The following ENTREP2 variants were observed in gnomAD, a reference collection of about 807,000 sequenced individuals.
The protein encoded by ENTREP2 is endosomal transmembrane epsin interactor 2.
At chr15:29,592,599 TG>T in the ENTREP2 span, among the ~76,000 whole-genome samples, 23 of 152,186 alleles carry the variant, frequency 1.5e-4, no homozygotes, top group Non-Finnish European at 1.9e-4. Context: ...ACTGTTGCAC[TG>T]GGGATTCTGT....
chr15:29,556,762 G>GC, the ENTREP2 span, among the ~76,000 whole-genome samples: 1,560 of 38,756 alleles, frequency 0.04, 11 homozygotes, highest in Admixed American at 0.052. Flanking sequence ...CCATGCAGGT[G>GC]CCCCCCCCCC....
chr15:29,516,813 G>C, the ENTREP2 span, among the ~76,000 whole-genome samples: 1 of 152,054 alleles, frequency 6.6e-6, no homozygotes, highest in Non-Finnish European at 1.5e-5. Flanking sequence ...TCTCCAGGCA[G>C]GAAGAGTTTA....
At chr15:29,652,722 A>T in the ENTREP2 span, among the ~76,000 whole-genome samples, 1 of 152,266 alleles carries the variant, frequency 6.6e-6, no homozygotes, top group Admixed American at 6.5e-5. Flanking sequence ...CTGTGCTGGT[A>T]CCTGGAAACT....
the ENTREP2 span, among the ~76,000 whole-genome samples, chr15:29,475,305 T>C: frequency 6.0e-3 from 909 of 152,218 alleles, 10 homozygotes; most frequent in African/African-American, 0.019. Flanking sequence ...TCATCACTAC[T>C]GCTGGCCTGA....
chr15:29,384,820 G>A, the ENTREP2 span, among the ~76,000 whole-genome samples: 2 of 151,974 alleles, frequency 1.3e-5, no homozygotes, highest in Admixed American at 6.6e-5. Context: ...GCCACATTCC[G>A]GGGCTCTGGC....
At chr15:29,631,092 T>C in the ENTREP2 span, among the ~76,000 whole-genome samples, 1 of 152,248 alleles carries the variant, frequency 6.6e-6, no homozygotes, top group South Asian at 2.1e-4. Flanking sequence ...CCTGTATTTT[T>C]AGTTCTATGA....
At chr15:29,390,832 G>A in the ENTREP2 span, among the ~76,000 whole-genome samples, 5 of 152,184 alleles carry the variant, frequency 3.3e-5, no homozygotes, top group African/African-American at 9.7e-5. Flanking sequence ...CTTCTAGAAC[G>A]CAGTCTTGAA....
chr15:29,139,586 A>G, the ENTREP2 span, among the ~76,000 whole-genome samples: 2 of 152,366 alleles, frequency 1.3e-5, no homozygotes, highest in Admixed American at 1.3e-4. Context: ...TCCACCAGGA[A>G]GGAGAACAAG....
the ENTREP2 span, among the ~76,000 whole-genome samples, chr15:29,353,433 TTAGGTAGG>T: frequency 6.6e-6 from 1 of 152,124 alleles, no homozygotes; most frequent in Non-Finnish European, 1.5e-5. Context: ...ATGTATGCAC[TTAGGTAGG>T]TAGGTAGGTA....
chr15:29,389,571 G>GT, the ENTREP2 span, among the ~76,000 whole-genome samples: 1 of 152,214 alleles, frequency 6.6e-6, no homozygotes, highest in Non-Finnish European at 1.5e-5. Context: ...AGTTCTGCCA[G>GT]TAACAGGAAT....
chr15:29,638,906 A>G, the ENTREP2 span, among the ~76,000 whole-genome samples: 5 of 152,204 alleles, frequency 3.3e-5, no homozygotes, highest in African/African-American at 1.2e-4. Context: ...CCTCAGCTCA[A>G]AGGGCTGAGC....
chr15:29,516,092 A>AT, the ENTREP2 span, among the ~76,000 whole-genome samples: 20 of 151,376 alleles, frequency 1.3e-4, no homozygotes, highest in East Asian at 3.9e-4. Context: ...TCCTGGAGAG[A>AT]TTTTTTTTTA....
chr15:29,206,551 C>T, the ENTREP2 span, among the ~76,000 whole-genome samples: 1 of 152,154 alleles, frequency 6.6e-6, no homozygotes, highest in African/African-American at 2.4e-5. Context: ...TACCACAGAT[C>T]ACACCCCGCA....
chr15:29,576,151 T>C, the ENTREP2 span, among the ~76,000 whole-genome samples: 1 of 152,210 alleles, frequency 6.6e-6, no homozygotes, highest in South Asian at 2.1e-4. Context: ...CATTGGAATA[T>C]AATTGAGGGT....
chr15:29,285,296 C>G, the ENTREP2 span, among the ~76,000 whole-genome samples: 1 of 152,172 alleles, frequency 6.6e-6, no homozygotes, highest in African/African-American at 2.4e-5. Flanking sequence ...CTCTCCATGT[C>G]AGTACCAGCC....
the ENTREP2 span, among the ~76,000 whole-genome samples, chr15:29,368,991 T>C: frequency 2.6e-5 from 4 of 152,128 alleles, no homozygotes; most frequent in African/African-American, 7.2e-5. Flanking sequence ...GAAAGAGTCA[T>C]CAGTTAACCT....
the ENTREP2 span, among the ~76,000 whole-genome samples, chr15:29,303,720 C>T: frequency 6.0e-5 from 9 of 150,732 alleles, no homozygotes; most frequent in South Asian, 1.1e-3. Flanking sequence ...TGTTTAGCTC[C>T]CATTTATAAG....
the ENTREP2 span, among the ~76,000 whole-genome samples, chr15:29,250,365 T>C: frequency 6.6e-6 from 1 of 152,184 alleles, no homozygotes; most frequent in South Asian, 2.1e-4. Flanking sequence ...GAAATATTGA[T>C]GATTCTGTGG....
At chr15:29,389,219 C>T in the ENTREP2 span, among the ~76,000 whole-genome samples, 1 of 151,548 alleles carries the variant, frequency 6.6e-6, no homozygotes, top group Non-Finnish European at 1.5e-5. Context: ...TGCTGACACC[C>T]TGATTTCAGA....
Sources: allele counts gnomAD v4.1 joint callset (sites outside exome capture counted in the v4.1 genomes callset), GRCh38; gene constraint gnomAD v4.1.1; transcripts MANE v1.5; gene names NCBI Gene and HGNC (gene_info 2026-07-23, HGNC 2026-07-21).